ASXL1: variants seen among roughly 807,000 people sequenced by gnomAD.
ASXL1 encodes the protein ASXL transcriptional regulator 1.
In ASXL1, 65 loss-of-function variants were observed where a neutral mutation model predicts 89.1. That is an observed-to-expected ratio of 0.73 (90% confidence interval 0.60 to 0.90). The LOEUF is 0.90. ASXL1 is among the 40% of genes least tolerant of loss of function. The pLI, the probability that ASXL1 is intolerant of heterozygous loss-of-function variation, is 0.00. For missense variants in ASXL1, 1,786 were observed against 1,942.9 expected, an observed-to-expected ratio of 0.92 and a Z score of 1.52; for synonymous variants, 739 against 746.9, an observed-to-expected ratio of 0.99 and a Z score of 0.17.
rs2011907299 is a variant in ASXL1, at chr20:32,436,625, T to C, written c.3913T>C (p.Phe1305Leu). Residue 1305 changes from phenylalanine to leucine, a missense_variant, in exon 13 of 13, where the codon TTT (phenylalanine) becomes CTT (leucine). Physicochemically the swap from Phe to Leu is conservative, Grantham distance 22. This residue lies in a region of ASXL1 where 1,418 missense variants were observed against 1,427.8 expected (regional missense o/e 0.99). Transcript: ENST00000375687. ...SNVTGQGKKL[F>L]GSGNVAATLQ... ...TGTTACAGGCCAAGGGAAGAAGCTT[T>C]TTGGCTCTGGGAATGTGGCTGCAAC... is the stretch of plus-strand genomic sequence containing the variant. 1.9e-6 allele frequency: 3 copies of C among 1,614,126 alleles called. No individual in the cohort carries two copies. The highest frequency in any genetic ancestry group is 2.5e-6 in the Non-Finnish European group (3 of 1,180,030).
At chr20:32,382,480 G>GA (rs1445901934) in intron 4 of ASXL1, among the ~76,000 whole-genome samples, 1 of 151,666 alleles carries the variant, frequency 6.6e-6, no homozygotes, top group Non-Finnish European at 1.5e-5. Context: ...CATCTTGTTA[G>GA]AAAAAAGAGG....
chr20:32,418,928 C>T (rs1256555122), intron 4 of ASXL1, among the ~76,000 whole-genome samples: 1 of 137,870 alleles, frequency 7.3e-6, no homozygotes. Flanking sequence ...CGCCTCCCAG[C>T]TTCAAGCGAT....
intron 1 of ASXL1, chr20:32,359,565 C>G: frequency 1.5e-6 from 1 of 657,746 alleles, no homozygotes; most frequent in Non-Finnish European, 2.8e-6. Context: ...TTGAGAAACG[C>G]AGACTGGGCT....
rs151317625 is a variant in ASXL1 at position 32,434,822 on chromosome 20, G to A, written c.2110G>A (p.Gly704Arg). ...TQLLPPYPLN[G>R]EHTQAGTAMS... ...ACTACTGCCGCCTTATCCTCTAAAT[G>A]GGGAGCATACCCAGGCCGGAACTGC... The change falls in exon 13 of 13, where the codon GGG becomes AGG. Residue 704 changes from glycine to arginine, a missense_variant. Coordinates refer to ENST00000375687, the MANE Select transcript of ASXL1 (RefSeq NM_015338.6). The A allele has an allele frequency of 4.5e-4, 729 of 1,614,104 alleles. 3 individuals carry two copies. Among genetic ancestry groups the A allele is most frequent in the Middle Eastern group, 4.3e-3 (26 of 6,062 alleles).
At chr20:32,399,884 C>T (rs1329963076) in intron 4 of ASXL1, among the ~76,000 whole-genome samples, 2 of 150,954 alleles carry the variant, frequency 1.3e-5, no homozygotes, top group Non-Finnish European at 3.0e-5. Context: ...ACCTCAGCCT[C>T]CCGAGTAGCT....
chr20:32,429,747 T>G lies in ASXL1; in HGVS notation c.566-154T>G. ...AAGGTGATATTTTAAAGCCAGACCATGAAGTGGTGGTTTCTCTCAGCCTAA... is the reference window on the plus strand; with the variant it reads ...AAGGTGATATTTTAAAGCCAGACCAGGAAGTGGTGGTTTCTCTCAGCCTAA... On this transcript the variant is annotated intron_variant, in intron 7 of 12. Coordinates refer to ENST00000375687, the MANE Select transcript of ASXL1 (RefSeq NM_015338.6). This position sits in a 1 kb window ranked among gnomAD's most constrained non-coding sequence, Gnocchi z 4.9. The G allele has an allele frequency of 1.9e-6, 2 of 1,077,600 alleles. No individual in the cohort carries two copies. Among genetic ancestry groups the G allele is most frequent in the African/African-American group, 1.6e-5 (1 of 63,374 alleles). The allele number at this position is 1,077,600 out of a possible 1,614,324, so 66.8% of individuals were successfully genotyped here.
chr20:32,424,428 G>T (rs1470671886), intron 4 of ASXL1, among the ~76,000 whole-genome samples: 1 of 152,074 alleles, frequency 6.6e-6, no homozygotes, highest in Non-Finnish European at 1.5e-5. Flanking sequence ...CCAGCTGCTC[G>T]GGAGGCTGAG....
At position 32,434,581 on chromosome 20, in the gene ASXL1, G is replaced by A. The variant is rs1471323202; in HGVS notation, c.1869G>A (p.Gln623=). The A allele has an allele frequency of 2.5e-6, 4 of 1,613,270 alleles. No individual in the cohort carries two copies. The African/African-American group carries it at 4.0e-5, about 16-fold the overall frequency. The part of the protein sequence containing the change: ...TLADIKARAL[Q]VRGARGHHCH... ...CAGACATTAAAGCCCGTGCTCTGCA[G>A]GTCCGAGGGGCGAGAGGTCACCACT... Residue 623 remains glutamine, a synonymous_variant, in exon 13 of 13, where the codon CAG becomes CAA. Transcript: ENST00000375687.
chr20:32,390,881 C>T (rs1569271505), intron 4 of ASXL1, among the ~76,000 whole-genome samples: 1 of 151,942 alleles, frequency 6.6e-6, no homozygotes, highest in East Asian at 1.9e-4. Flanking sequence ...TGTGTATTAG[C>T]AATTTATTTC....
chr20:32,399,444 G>A (rs1267903922), intron 4 of ASXL1, among the ~76,000 whole-genome samples: 1 of 147,444 alleles, frequency 6.8e-6, no homozygotes, highest in African/African-American at 2.5e-5. Context: ...TATTGTGCTT[G>A]TGGTTCATTG....
In ASXL1 at chr20:32,358,676, G is replaced by GCC; in HGVS notation, c.-93_-92dup. 2.5e-6 allele frequency: 1 copy of GCC among 398,514 alleles called. No homozygotes were observed. The highest frequency in any genetic ancestry group is 3.5e-6 in the Non-Finnish European group (1 of 284,246). The allele number at this position is 398,514 out of a possible 1,614,324, so 24.7% of individuals were successfully genotyped here. A position where few individuals can be genotyped will look rare whatever the true frequency, so the allele number is the denominator to read the frequency against. ...ACCTCGCGCGCCGCCGCTGCCACGC[G>GCC]CCCCCCCCACCGCCGCCGCCGCCCC... On this transcript the variant is annotated 5_prime_UTR_variant, in exon 1 of 13. Coordinates refer to ENST00000375687, the MANE Select transcript of ASXL1 (RefSeq NM_015338.6).
At chr20:32,400,776 T>C (rs994512312) in intron 4 of ASXL1, among the ~76,000 whole-genome samples, 1 of 152,242 alleles carries the variant, frequency 6.6e-6, no homozygotes, top group African/African-American at 2.4e-5. Context: ...ATAGGGCTTC[T>C]GCTTCTGCAT....
At chr20:32,398,830 C>T (rs2048817965) in intron 4 of ASXL1, among the ~76,000 whole-genome samples, 3 of 151,244 alleles carry the variant, frequency 2.0e-5, no homozygotes, top group Non-Finnish European at 4.4e-5. Context: ...GGGATGGTCT[C>T]GATCTCCTGA....
In ASXL1 at chr20:32,435,915, G is replaced by A. The variant is rs752058283; in HGVS notation, c.3203G>A (p.Arg1068Gln). 5.0e-6 allele frequency: 8 copies of A among 1,614,080 alleles called. No individual in the cohort carries two copies. Among genetic ancestry groups the A allele is most frequent in the Middle Eastern group, 3.3e-4 (2 of 6,084 alleles). The change falls in exon 13 of 13, where the codon CGA (arginine) becomes CAA (glutamine). Residue 1068 changes from arginine to glutamine, a missense_variant. Physicochemically the swap from Arg to Gln is conservative, Grantham distance 43 (BLOSUM62 1). Coordinates refer to ENST00000375687, the MANE Select transcript of ASXL1 (RefSeq NM_015338.6). The stretch of plus-strand genomic sequence containing the variant: ...GTTGCTCCTCAGAGCTGGGTGTCTC[G>A]AGTATGTGCGGTCCGCCAAAAGATC... ...GMVAPQSWVS[R>Q]VCAVRQKIPD...
At position 32,436,161 on chromosome 20, in the gene ASXL1, G is replaced by T. The variant is rs773823004; in HGVS notation, c.3449G>T (p.Gly1150Val). 1.4e-5 allele frequency: 22 copies of T among 1,614,086 alleles called. No individual in the cohort carries two copies. Among genetic ancestry groups the T allele is most frequent in the Middle Eastern group, 1.6e-4 (1 of 6,084 alleles). The change falls in exon 13 of 13, where the codon GGA (glycine) becomes GTA (valine). Residue 1150 changes from glycine to valine, a missense_variant. Physicochemically the swap from Gly to Val is moderately radical, Grantham distance 109. Transcript: ENST00000375687. ...KDQSHGSLRM[G>V]SLHGLGKNSG... Reference sequence around the variant, plus strand: ...CAGAGCCATGGCTCGCTACGCATGGGATCTTTACATGGTCTTGGAAAAAAC... The same window carrying T: ...CAGAGCCATGGCTCGCTACGCATGGTATCTTTACATGGTCTTGGAAAAAAC...
rs2048669173 is a variant in ASXL1, at chr20:32,391,453, C to T, written c.252+22330C>T. On this transcript the variant is annotated intron_variant, in intron 4 of 12. Coordinates refer to ENST00000375687, the MANE Select transcript of ASXL1 (RefSeq NM_015338.6). ...TTTAAAGAAATAGCTAAGCTGTTTTCCAAAGTGGCTTCACCATCTTAAATT... is the reference window on the plus strand; with the variant it reads ...TTTAAAGAAATAGCTAAGCTGTTTTTCAAAGTGGCTTCACCATCTTAAATT... 2.6e-5 allele frequency among the ~76,000 whole-genome samples: 4 copies of T among 152,208 alleles called. No homozygotes were observed. The South Asian group carries it at 8.3e-4, about 32-fold the overall frequency.
chr20:32,420,386 T>TCC (rs1384077264), intron 4 of ASXL1, among the ~76,000 whole-genome samples: 1 of 152,236 alleles, frequency 6.6e-6, no homozygotes, highest in Non-Finnish European at 1.5e-5. Flanking sequence ...ATTTAAATGT[T>TCC]AGCTCTCCTT....
At position 32,429,833 on chromosome 20, in the gene ASXL1, T is replaced by C. The variant is rs2123220497; in HGVS notation, c.566-68T>C. On this transcript the variant is annotated intron_variant, in intron 7 of 12. Coordinates refer to ENST00000375687, the MANE Select transcript of ASXL1 (RefSeq NM_015338.6). The surrounding 1 kb of genome is among the most constrained non-coding windows in gnomAD (Gnocchi z 4.9). ...GCATCTCAGGGAGAGCTGGGAGAAA[T>C]GAGCTTGTCTGAGAGCCATGGGCGC... 8 of 1,573,560 alleles carry C rather than the reference T, an allele frequency of 5.1e-6. No individual in the cohort carries two copies. Among genetic ancestry groups the C allele is most frequent in the East Asian group, 2.2e-5 (1 of 44,542 alleles).
intron 11 of ASXL1, 66 bp downstream of exon 11, chr20:32,433,051 A>G: frequency 6.3e-7 from 1 of 1,596,474 alleles, no homozygotes; most frequent in Non-Finnish European, 8.5e-7. Context: ...ATGGTCTCAA[A>G]ATAGCATATA....
Sources: allele counts gnomAD v4.1 joint callset (sites outside exome capture counted in the v4.1 genomes callset), GRCh38; gene constraint gnomAD v4.1.1; regional missense constraint gnomAD v4.1.1; non-coding constraint Gnocchi (gnomAD v3.1); transcripts MANE v1.5; gene names NCBI Gene and HGNC (gene_info 2026-07-23, HGNC 2026-07-21).